The following SLC1A2 variants were observed in gnomAD, a reference collection of about 807,000 sequenced individuals.
The protein encoded by SLC1A2 is solute carrier family 1 member 2, also known as excitatory amino acid transporter 2.
A neutral mutation model predicts 48.8 loss-of-function variants in SLC1A2; 15 were observed. That is an observed-to-expected ratio of 0.31 (90% CI 0.21 to 0.47). The LOEUF (loss-of-function observed/expected upper bound fraction) is 0.47. Among genes scored for constraint, SLC1A2 ranks in the 20% least tolerant of loss-of-function variants. The probability of loss-of-function intolerance (pLI) is 0.99; values close to 1 mark genes in which losing one functional copy is unlikely to be tolerated. For missense variants in SLC1A2, 502 were observed against 730.5 expected, an observed-to-expected ratio of 0.69 and a Z score of 3.61; for synonymous variants, 279 against 272.6, an observed-to-expected ratio of 1.02 and a Z score of -0.23.
intron 7 of SLC1A2, among the ~76,000 whole-genome samples, chr11:35,290,508 G>T (rs912116006): frequency 1.3e-5 from 2 of 151,984 alleles, no homozygotes; most frequent in Non-Finnish European, 2.9e-5. Flanking sequence ...CTAATTAAAA[G>T]GTTATGACCA....
chr11:35,278,380 A>T (rs1850516178), intron 9 of SLC1A2, among the ~76,000 whole-genome samples: 2 of 146,392 alleles, frequency 1.4e-5, no homozygotes, highest in Non-Finnish European at 3.0e-5. Flanking sequence ...GGTTCAAGTG[A>T]TTCTCCTGCC....
intron 1 of SLC1A2, among the ~76,000 whole-genome samples, chr11:35,348,913 AGAC>A (rs1853140325): frequency 1.3e-5 from 2 of 148,980 alleles, no homozygotes; most frequent in African/African-American, 2.5e-5. Context: ...AAAAAAAAAA[AGAC>A]AGAGAAATTG....
chr11:35,317,414 C>G lies in SLC1A2; in HGVS notation c.120G>C (p.Lys40Asn). The change falls in exon 2 of 11, where the codon AAG becomes AAC. Residue 40 changes from lysine to asparagine, a missense_variant. Lys to Asn is a moderately conservative substitution (Grantham distance 94). Around this residue, in one of 4 missense-constraint regions of SLC1A2, gnomAD observed 89 missense variants for 119.7 expected, o/e 0.74. Transcript: ENST00000278379. ...HRHLGLRLCDKLGKNLLLTLT... is the reference protein window; with the variant it reads ...HRHLGLRLCDNLGKNLLLTLT... ...GGGTGAGCAGCAGATTCTTCCCCAG[C>G]TTGTCACACAGGCGCAGGCCCAGGT... 1.2e-6 allele frequency: 2 copies of G among 1,614,170 alleles called. No homozygotes were observed. Among genetic ancestry groups the G allele is most frequent in the South Asian group, 1.1e-5 (1 of 91,088 alleles).
At chr11:35,268,136 A>T (rs1570215) in intron 9 of SLC1A2, among the ~76,000 whole-genome samples, 57,621 of 152,034 alleles carry the variant, frequency 0.38, 11,131 homozygotes, top group South Asian at 0.53. Flanking sequence ...ACCTTGGAAA[A>T]ATAAACTTCT....
chr11:35,362,508 T>G (rs1334871367), intron 1 of SLC1A2, among the ~76,000 whole-genome samples: 2 of 152,222 alleles, frequency 1.3e-5, no homozygotes, highest in East Asian at 3.8e-4. Context: ...ATCTAACATC[T>G]GTGAACCTCA....
rs139185284 is a variant in SLC1A2 at position 35,416,099 on chromosome 11, T to C, written c.17+2851A>G. Among the ~76,000 whole-genome samples, 32 of 152,374 alleles carry C rather than the reference T, an allele frequency of 2.1e-4. 1 individual carries two copies. In the South Asian group the frequency reaches 4.1e-3, roughly 20 times the overall value. The stretch of plus-strand genomic sequence containing the variant: ...CTGGGAACTACCAAAGAGTCCACTA[T>C]TGATTTTTATAGAAACTGGATGCTA... On this transcript the variant is annotated intron_variant, in intron 1 of 10. Transcript: ENST00000278379.
intron 10 of SLC1A2, 57 bp downstream of exon 10, chr11:35,265,469 AG>A (rs1455871065): frequency 1.6e-5 from 14 of 864,936 alleles, no homozygotes; most frequent in South Asian, 7.8e-5. Flanking sequence ...TTTTTTTTAA[AG>A]AAATCAAGCA....
intron 1 of SLC1A2, among the ~76,000 whole-genome samples, chr11:35,336,925 T>G (rs114143351): frequency 6.6e-6 from 1 of 152,164 alleles, no homozygotes; most frequent in African/African-American, 2.4e-5. Context: ...TTCCATTCAG[T>G]GTACTGAGGT....
At chr11:35,404,451 T>G (rs985981762) in intron 1 of SLC1A2, 5 of 152,378 alleles carry the variant, frequency 3.3e-5, no homozygotes, top group Admixed American at 6.5e-5. Context: ...CAACTCACTT[T>G]CAACCTCAGC....
chr11:35,367,767 G>A (rs976097038), intron 1 of SLC1A2, among the ~76,000 whole-genome samples: 1 of 152,132 alleles, frequency 6.6e-6, no homozygotes, highest in African/African-American at 2.4e-5. Flanking sequence ...CTATGTGAAC[G>A]CCACCTCTAG....
intron 1 of SLC1A2, among the ~76,000 whole-genome samples, chr11:35,319,659 G>A (rs558949733): frequency 6.6e-6 from 1 of 152,316 alleles, no homozygotes; most frequent in East Asian, 1.9e-4. Context: ...ACAAACATTA[G>A]GTTAGCATAC....
At chr11:35,305,352 T>C (rs188746615) in intron 5 of SLC1A2, among the ~76,000 whole-genome samples, 2 of 152,322 alleles carry the variant, frequency 1.3e-5, no homozygotes, top group African/African-American at 4.8e-5. Context: ...CATTTCATCC[T>C]CACAGTAATC....
rs1240260796 is a variant in SLC1A2, at chr11:35,280,952, C to T, written c.1336G>A (p.Gly446Arg). The change falls in exon 9 of 11, where the codon GGG (glycine) becomes AGG (arginine). Residue 446 changes from glycine (G) to arginine (R), a missense_variant. This residue lies in a region of SLC1A2 where 309 missense variants were observed against 480.3 expected (regional missense o/e 0.64). Transcript: ENST00000278379. ...SVGAASIPSA[G>R]LVTMLLILTA... Reference sequence around the variant, plus strand: ...AGAATGAGGAGCATGGTGACCAGCCCGGCACTGGGGATACTGGCCGCGCCG... The same window carrying T: ...AGAATGAGGAGCATGGTGACCAGCCTGGCACTGGGGATACTGGCCGCGCCG... 1.2e-6 allele frequency: 2 copies of T among 1,612,852 alleles called. No individual in the cohort carries two copies. The highest frequency in any genetic ancestry group is 1.7e-6 in the Non-Finnish European group (2 of 1,179,638).
chr11:35,360,883 A>T (rs184814659), intron 1 of SLC1A2, among the ~76,000 whole-genome samples: 3,211 of 149,028 alleles, frequency 0.022, 90 homozygotes, highest in African/African-American at 0.073. Flanking sequence ...ATTTATTATT[A>T]TTTTTTTTTT....
chr11:35,261,995 G>A, intron 10 of SLC1A2: 1 of 347,996 alleles, frequency 2.9e-6, no homozygotes, highest in East Asian at 4.2e-5. Flanking sequence ...TGCTCCACAT[G>A]CAGTTATTCT....
rs555777127 is a variant in SLC1A2, at chr11:35,254,523, C to A, written c.*6371G>T. Reference sequence around the variant, plus strand: ...CTTCCTTGGCTAGTGTGTGTATTTGCCCCCTAGCAAAGGCAACAGGCTGTT... The same window carrying A: ...CTTCCTTGGCTAGTGTGTGTATTTGACCCCTAGCAAAGGCAACAGGCTGTT... On this transcript the variant is annotated 3_prime_UTR_variant, in exon 11 of 11. Transcript: ENST00000278379. The A allele has an allele frequency of 2.7e-5, 8 of 292,248 alleles. No individual in the cohort carries two copies. The highest frequency in any genetic ancestry group is 9.6e-5 in the East Asian group (1 of 10,422). The allele number at this position is 292,248 out of a possible 1,614,324, so 18.1% of individuals were successfully genotyped here.
At chr11:35,337,444 T>C (rs1565255961) in intron 1 of SLC1A2, among the ~76,000 whole-genome samples, 1 of 152,182 alleles carries the variant, frequency 6.6e-6, no homozygotes, top group Non-Finnish European at 1.5e-5. Context: ...GGAGTTCTCA[T>C]GAGTCATATA....
chr11:35,296,862 A>G (rs10836368), intron 6 of SLC1A2, among the ~76,000 whole-genome samples: 32,750 of 151,872 alleles, frequency 0.22, 3,857 homozygotes, highest in Admixed American at 0.28. Flanking sequence ...ATTCGAATTA[A>G]TAATAAGTGC....
chr11:35,387,339 G>A (rs563809288), intron 1 of SLC1A2, among the ~76,000 whole-genome samples: 1 of 152,192 alleles, frequency 6.6e-6, no homozygotes, highest in African/African-American at 2.4e-5. Flanking sequence ...AGAAACGTGG[G>A]GTCTCTGGCC....
Sources: allele counts gnomAD v4.1 joint callset (sites outside exome capture counted in the v4.1 genomes callset), GRCh38; gene constraint gnomAD v4.1.1; regional missense constraint gnomAD v4.1.1; transcripts MANE v1.5; gene names NCBI Gene and HGNC (gene_info 2026-07-23, HGNC 2026-07-21).